ITGA11: variants seen among roughly 807,000 people sequenced by gnomAD.
ITGA11 encodes integrin alpha-11.
Under a neutral mutation model 141.9 loss-of-function variants are expected in ITGA11, and 97 were observed. That is an observed-to-expected ratio of 0.68 (90% confidence interval 0.58 to 0.81). The LOEUF (loss-of-function observed/expected upper bound fraction) is 0.81. ITGA11 is among the 30% of genes least tolerant of loss of function. ITGA11 has a pLI of 0.00. For missense variants in ITGA11, 1,387 were observed against 1,559.2 expected (o/e 0.89, Z 1.86); for synonymous variants, 658 against 624.6 (o/e 1.05, Z -0.80).
At chr15:68,378,661 A>AAATT (rs1895786036) in intron 2 of ITGA11, among the ~76,000 whole-genome samples, 1 of 152,158 alleles carries the variant, frequency 6.6e-6, no homozygotes, top group African/African-American at 2.4e-5. Flanking sequence ...ATAAATAAAT[A>AAATT]AATTTCTATT....
chr15:68,316,099 A>G lies in ITGA11; in HGVS notation c.2716-372T>C, dbSNP rs554512942. On this transcript the variant is annotated intron_variant, in intron 21 of 29. Coordinates refer to ENST00000315757, the MANE Select transcript of ITGA11 (RefSeq NM_001004439.2). ...GGGTCCTTGATGGCAGGAAGGGCCG[A>G]TGGCCATCGCCATGCACCACAGGAT... Among the ~76,000 whole-genome samples the G allele has an allele frequency of 2.4e-4, 37 of 152,320 alleles. No homozygotes were observed. In the East Asian group the frequency reaches 6.2e-3, roughly 25 times the overall value.
chr15:68,418,407 A>G (rs551535985), intron 1 of ITGA11, among the ~76,000 whole-genome samples: 1 of 152,288 alleles, frequency 6.6e-6, no homozygotes, highest in East Asian at 1.9e-4. Flanking sequence ...TATTGCCAGT[A>G]TGGTTTCTAA....
chr15:68,315,777 C>T (rs1893552810), intron 21 of ITGA11, 50 bp from the exon 22 acceptor site: 1 of 1,446,598 alleles, frequency 6.9e-7, no homozygotes, highest in South Asian at 1.3e-5. Flanking sequence ...CAGCCCCGCC[C>T]ACTCCCCACA....
At chr15:68,317,393 C>T (rs752315663) in intron 20 of ITGA11, 30 bp from the exon 21 acceptor site, 2 of 1,484,922 alleles carry the variant, frequency 1.3e-6, no homozygotes, top group Admixed American at 1.7e-5. Flanking sequence ...ATCATGGCAG[C>T]AGTTAGGTGG....
At chr15:68,400,722 T>A in intron 2 of ITGA11, among the ~76,000 whole-genome samples, 1 of 21,908 alleles carries the variant, frequency 4.6e-5, no homozygotes, top group Non-Finnish European at 6.6e-5. Flanking sequence ...TTATATATTA[T>A]ATAATAAATA....
intron 10 of ITGA11, among the ~76,000 whole-genome samples, chr15:68,348,582 G>A (rs920923130): frequency 6.6e-6 from 1 of 152,178 alleles, no homozygotes; most frequent in Non-Finnish European, 1.5e-5. Context: ...GTTATTTGTG[G>A]GAAGGATCAC....
At chr15:68,390,988 T>G (rs1051798338) in intron 2 of ITGA11, among the ~76,000 whole-genome samples, 4 of 152,220 alleles carry the variant, frequency 2.6e-5, no homozygotes, top group Non-Finnish European at 5.9e-5. Flanking sequence ...TAAATGACAC[T>G]GGCATCAACC....
chr15:68,369,315 T>A (rs139584172), intron 2 of ITGA11, 31 bp from the exon 3 acceptor site: 12 of 1,288,766 alleles, frequency 9.3e-6, no homozygotes, highest in Non-Finnish European at 8.3e-6. Flanking sequence ...AGCAAAGACA[T>A]TGGGGGAGGT....
At chr15:68,368,814 A>G (rs1895501923) in intron 3 of ITGA11, among the ~76,000 whole-genome samples, 1 of 151,448 alleles carries the variant, frequency 6.6e-6, no homozygotes, top group Non-Finnish European at 1.5e-5. Flanking sequence ...TCTGAATGTT[A>G]GCTATTGTTG....
At position 68,303,652 on chromosome 15, in the gene ITGA11, G is replaced by T. The variant is rs1893098866; in HGVS notation, c.3495+120C>A. The T allele has an allele frequency of 3.1e-6, 2 of 642,716 alleles. No homozygotes were observed. Among genetic ancestry groups the T allele is most frequent in the Non-Finnish European group, 5.5e-6 (2 of 363,480 alleles). 39.8% of individuals were successfully genotyped at this position (642,716 alleles called of 1,614,324 possible). A position where few individuals can be genotyped will look rare whatever the true frequency, so the allele number is the denominator to read the frequency against. On this transcript the variant is annotated intron_variant, in intron 29 of 29. Coordinates refer to ENST00000315757, the MANE Select transcript of ITGA11 (RefSeq NM_001004439.2). This position sits in a 1 kb window ranked among gnomAD's most constrained non-coding sequence, Gnocchi z 5.3. The stretch of plus-strand genomic sequence containing the variant: ...TAACCAGTGTGTCTGCTATGGCGAG[G>T]GGTGGGGTGCCAGCTCCCCTGGAGA...
intron 1 of ITGA11, among the ~76,000 whole-genome samples, chr15:68,416,200 T>C (rs1233067374): frequency 6.6e-6 from 1 of 152,172 alleles, no homozygotes; most frequent in East Asian, 1.9e-4. Context: ...CAGCCTCCCC[T>C]CAGCCATCAA....
chr15:68,323,641 T>C (rs1186877103), intron 18 of ITGA11, among the ~76,000 whole-genome samples: 1 of 152,194 alleles, frequency 6.6e-6, no homozygotes, highest in Non-Finnish European at 1.5e-5. Flanking sequence ...GCTCTGTTTC[T>C]CACCTTTTCT....
At chr15:68,405,928 A>G (rs374013449) in intron 1 of ITGA11, among the ~76,000 whole-genome samples, 1 of 152,110 alleles carries the variant, frequency 6.6e-6, no homozygotes, top group East Asian at 1.9e-4. Context: ...ACACACAGAC[A>G]CACACATGCA....
At chr15:68,391,670 T>C (rs1896125492) in intron 2 of ITGA11, among the ~76,000 whole-genome samples, 1 of 152,182 alleles carries the variant, frequency 6.6e-6, no homozygotes, top group Non-Finnish European at 1.5e-5. Context: ...AGGAAAAGGA[T>C]TCAGAAAGCC....
intron 1 of ITGA11, among the ~76,000 whole-genome samples, chr15:68,424,178 C>A (rs1897083924): frequency 6.6e-6 from 1 of 152,198 alleles, no homozygotes; most frequent in Non-Finnish European, 1.5e-5. Context: ...CCACACCTAC[C>A]AGCTCCAATC....
intron 2 of ITGA11, among the ~76,000 whole-genome samples, chr15:68,372,992 T>C (rs1031425497): frequency 6.6e-6 from 1 of 152,234 alleles, no homozygotes; most frequent in Non-Finnish European, 1.5e-5. Context: ...GTATATTAAA[T>C]GTTAGTAATT....
chr15:68,405,981 T>A (rs1291385133), intron 1 of ITGA11, among the ~76,000 whole-genome samples: 1 of 152,136 alleles, frequency 6.6e-6, no homozygotes, highest in Non-Finnish European at 1.5e-5. Context: ...TTTGCCTGGC[T>A]TCCTGGTGCC....
intron 11 of ITGA11, among the ~76,000 whole-genome samples, chr15:68,338,764 G>T (rs1005083030): frequency 1.3e-5 from 2 of 152,234 alleles, no homozygotes; most frequent in Admixed American, 6.5e-5. Flanking sequence ...GGAGGAGTGG[G>T]GTCCGAGGAG....
At chr15:68,311,863 A>G (rs1347240182) in intron 24 of ITGA11, among the ~76,000 whole-genome samples, 1 of 152,236 alleles carries the variant, frequency 6.6e-6, no homozygotes. Context: ...TAGCAGTGCC[A>G]CATTCAGTGC....
Sources: gnomAD v4.1 joint callset for allele counts (sites outside exome capture counted in the v4.1 genomes callset) on GRCh38, gnomAD v4.1.1 for gene constraint, Gnocchi (gnomAD v3.1) non-coding constraint, MANE v1.5 for transcripts, NCBI Gene and HGNC (gene_info 2026-07-23, HGNC 2026-07-21) for gene names.